WNT7B: variants seen among roughly 807,000 people sequenced by gnomAD.
WNT7B encodes protein Wnt-7b.
WNT7B carries 19 observed loss-of-function variants against 38.2 expected under a neutral mutation model. That is an observed-to-expected ratio of 0.50 (90% CI 0.35 to 0.73). WNT7B has a LOEUF of 0.73. WNT7B is among the 30% of genes least tolerant of loss of function. The pLI is 0.01. For synonymous variants in WNT7B, 243 were observed against 209.3 expected (o/e 1.16, Z -1.39); for missense variants, 423 against 507.9 (o/e 0.83, Z 1.61).
At chr22:45,958,464 A>T (rs1200687678) in intron 1 of WNT7B, among the ~76,000 whole-genome samples, 1 of 152,094 alleles carries the variant, frequency 6.6e-6, no homozygotes, top group Non-Finnish European at 1.5e-5. Flanking sequence ...GTCTAACCTA[A>T]ATCCCTCATG....
chr22:45,971,715 C>A (rs1009838438), intron 1 of WNT7B, among the ~76,000 whole-genome samples: 2 of 152,116 alleles, frequency 1.3e-5, no homozygotes, highest in Non-Finnish European at 2.9e-5. Flanking sequence ...GGTGTTTGCA[C>A]GAGGGAGCGG....
intron 3 of WNT7B, among the ~76,000 whole-genome samples, chr22:45,930,793 C>T (rs1028115278): frequency 8.5e-5 from 13 of 152,334 alleles, no homozygotes; most frequent in Non-Finnish European, 1.5e-5. Flanking sequence ...GACCCTCCGC[C>T]ACGGGGTCCC....
At position 45,957,682 on chromosome 22, in the gene WNT7B, CAAAAAAAAAAAAAAAA is replaced by C. The variant is rs367797133; in HGVS notation, c.72-7552_72-7537del. Among the ~76,000 whole-genome samples the C allele has an allele frequency of 8.1e-4, 29 of 36,014 alleles. 4 individuals are homozygous for C. Among genetic ancestry groups the C allele is most frequent in the African/African-American group, 2.2e-3 (23 of 10,454 alleles). The allele number at this position is 36,014 out of a possible 152,430, so 23.6% of individuals were successfully genotyped here. A position where few individuals can be genotyped will look rare whatever the true frequency, so the allele number is the denominator to read the frequency against. ...TGCGTGAGGGAGCAAGACTCCGTCT[CAAAAAAAAAAAAAAAA>C]AAAAAAAAAAAAAACAGAAAACACG... On this transcript the variant is annotated intron_variant, in intron 1 of 3. Transcript: ENST00000339464.
chr22:45,960,464 AC>A (rs1246410578), intron 1 of WNT7B, among the ~76,000 whole-genome samples: 1 of 95,248 alleles, frequency 1.0e-5, no homozygotes, highest in Non-Finnish European at 2.9e-5. Flanking sequence ...GTCATGAGCC[AC>A]CCCACCCCCC....
At chr22:45,957,036 T>C (rs1343079275) in intron 1 of WNT7B, among the ~76,000 whole-genome samples, 1 of 150,058 alleles carries the variant, frequency 6.7e-6, no homozygotes, top group Non-Finnish European at 1.5e-5. Context: ...AACCAGGCAG[T>C]TGGAGGTTGC....
Position 45,933,966 on chromosome 22 carries a change from C to T in WNT7B, c.299-2597G>A, listed in dbSNP as rs115281325. Among the ~76,000 whole-genome samples the T allele has an allele frequency of 5.5e-3, 841 of 152,306 alleles. 5 individuals are homozygous for T. Among genetic ancestry groups the T allele is most frequent in the African/African-American group, 0.02 (812 of 41,562 alleles). ...CAGGGCACTTGTCTGGCCACACAGG[C>T]GTGGATTCCGGAACATTCAGAGGCC... On this transcript the variant is annotated intron_variant, in intron 2 of 3. Coordinates refer to ENST00000339464, the MANE Select transcript of WNT7B (RefSeq NM_058238.3).
At chr22:45,934,056 G>A (rs1601721317) in intron 2 of WNT7B, among the ~76,000 whole-genome samples, 2 of 152,390 alleles carry the variant, frequency 1.3e-5, no homozygotes, top group East Asian at 3.9e-4. Context: ...CGCACACCCA[G>A]CCCTCACATG....
rs113970708 is a variant in WNT7B, at chr22:45,964,252, C to A, written c.71+12432G>T. Among the ~76,000 whole-genome samples the A allele has an allele frequency of 7.0e-3, 1,062 of 152,250 alleles. 8 individuals are homozygous for A. Among genetic ancestry groups the A allele is most frequent in the African/African-American group, 0.023 (936 of 41,552 alleles). On this transcript the variant is annotated intron_variant, in intron 1 of 3. Transcript: ENST00000339464. The stretch of plus-strand genomic sequence containing the variant: ...TGCCTGGCATCCAGGGATCCTGGGC[C>A]TGTCACCCCCAGGAACACTCCCTGA...
In WNT7B at chr22:45,975,471, G is replaced by T. The variant is rs1932530612; in HGVS notation, c.71+1213C>A. On this transcript the variant is annotated intron_variant, in intron 1 of 3. Coordinates refer to ENST00000339464, the MANE Select transcript of WNT7B (RefSeq NM_058238.3). This position sits in a 1 kb window ranked among gnomAD's most constrained non-coding sequence, Gnocchi z 6.6. ...GCCCAGACCTGCAGGGCTCAGGCTAGGACGGGGGCTTCCAGTCCTGCCTCT... is the reference window on the plus strand; with the variant it reads ...GCCCAGACCTGCAGGGCTCAGGCTATGACGGGGGCTTCCAGTCCTGCCTCT... The T allele has an allele frequency of 5.6e-6, 4 of 709,268 alleles. No individual in the cohort carries two copies. Among genetic ancestry groups the T allele is most frequent in the Non-Finnish European group, 5.3e-6 (2 of 380,466 alleles). The allele number at this position is 709,268 out of a possible 1,614,324, so 43.9% of individuals were successfully genotyped here. A position where few individuals can be genotyped will look rare whatever the true frequency, so the allele number is the denominator to read the frequency against.
chr22:45,950,253 G>T, intron 1 of WNT7B, 107 bp from the exon 2 acceptor site: 1 of 944,296 alleles, frequency 1.1e-6, no homozygotes. Context: ...CCCTGCACTA[G>T]CTCCGCCCAC....
chr22:45,953,037 A>C (rs1931970345), intron 1 of WNT7B, among the ~76,000 whole-genome samples: 1 of 152,182 alleles, frequency 6.6e-6, no homozygotes, highest in African/African-American at 2.4e-5. Context: ...CACTGTGCTC[A>C]AGCTCCTGAT....
At chr22:45,958,337 C>A (rs1415983757) in intron 1 of WNT7B, among the ~76,000 whole-genome samples, 4 of 152,178 alleles carry the variant, frequency 2.6e-5, no homozygotes, top group Non-Finnish European at 5.9e-5. Context: ...GCCCAGGTGG[C>A]AGGGAGTGGG....
At chr22:45,970,749 T>G (rs1932416358) in intron 1 of WNT7B, among the ~76,000 whole-genome samples, 1 of 152,014 alleles carries the variant, frequency 6.6e-6, no homozygotes, top group Non-Finnish European at 1.5e-5. Flanking sequence ...GACGCTGAAA[T>G]TCCAAAGTCC....
At chr22:45,959,082 C>T (rs1932136463) in intron 1 of WNT7B, among the ~76,000 whole-genome samples, 3 of 152,244 alleles carry the variant, frequency 2.0e-5, no homozygotes, top group Admixed American at 2.0e-4. Flanking sequence ...CGTGGCAGAG[C>T]CTCAGCTGTC....
intron 2 of WNT7B, among the ~76,000 whole-genome samples, chr22:45,932,918 G>A (rs138581733): frequency 5.1e-4 from 77 of 152,346 alleles, no homozygotes; most frequent in African/African-American, 1.9e-3. Context: ...CTGTTATTGG[G>A]GCTGAGGTGA....
rs1286182079 is a variant in WNT7B, at chr22:45,976,804, C to T, written c.-50G>A. On this transcript the variant is annotated 5_prime_UTR_variant, in exon 1 of 4. Transcript: ENST00000339464. The surrounding 1 kb of genome is among the most constrained non-coding windows in gnomAD (Gnocchi z 8.5). The stretch of plus-strand genomic sequence containing the variant: ...TAGACAGCGGCGGCCGGAGGGGACG[C>T]GCGGGCCCGGCAGGGCCGGGCAGGG... 1 of 1,549,350 alleles carries T rather than the reference C, an allele frequency of 6.5e-7. No homozygotes were observed. The highest frequency in any genetic ancestry group is 2.5e-5 in the East Asian group (1 of 40,472).
At position 45,922,494 on chromosome 22, in the gene WNT7B, C is replaced by G; in HGVS notation, c.*362G>C. ...GCCGCCAGGTGGGGCTGGGGACGCT[C>G]AGTCTCCTCATCACTTTGCTCTCTG... On this transcript the variant is annotated 3_prime_UTR_variant, in exon 4 of 4. Coordinates refer to ENST00000339464, the MANE Select transcript of WNT7B (RefSeq NM_058238.3). 4.4e-6 allele frequency: 1 copy of G among 229,516 alleles called. No homozygotes were observed. Among genetic ancestry groups the G allele is most frequent in the Non-Finnish European group, 8.5e-6 (1 of 117,362 alleles). The allele number at this position is 229,516 out of a possible 1,614,324, so 14.2% of individuals were successfully genotyped here.
chr22:45,936,810 T>C (rs185314569), intron 2 of WNT7B, among the ~76,000 whole-genome samples: 2 of 152,326 alleles, frequency 1.3e-5, no homozygotes, highest in East Asian at 3.9e-4. Flanking sequence ...GAGCAGCTTC[T>C]AGAAAGAGCA....
At chr22:45,929,831 C>T (rs934364135) in intron 3 of WNT7B, among the ~76,000 whole-genome samples, 1 of 118,008 alleles carries the variant, frequency 8.5e-6, no homozygotes, top group East Asian at 2.6e-4. Flanking sequence ...TTCCCATGCA[C>T]TCTTCTATAC....
Sources: gnomAD v4.1 joint callset for allele counts (sites outside exome capture counted in the v4.1 genomes callset) on GRCh38, gnomAD v4.1.1 for gene constraint, Gnocchi (gnomAD v3.1) non-coding constraint, MANE v1.5 for transcripts, NCBI Gene and HGNC (gene_info 2026-07-23, HGNC 2026-07-21) for gene names.